DUSP16: variants seen among roughly 807,000 people sequenced by gnomAD.
DUSP16 encodes dual specificity phosphatase 16, also known as dual specificity protein phosphatase 16.
A neutral mutation model predicts 58.3 loss-of-function variants in DUSP16; 21 were observed. The observed-to-expected ratio is 0.36, with a 90% CI of 0.26 to 0.52. The LOEUF (loss-of-function observed/expected upper bound fraction) is 0.52, where lower values mean the gene tolerates loss of function less well. Among genes scored for constraint, DUSP16 ranks in the 20% least tolerant of loss-of-function variants. The pLI, the probability that DUSP16 is intolerant of heterozygous loss-of-function variation, is 0.94. For synonymous variants in DUSP16, 320 were observed against 323.8 expected (o/e 0.99, Z 0.12); for missense variants, 726 against 819.0 (o/e 0.89, Z 1.39).
intron 6 of DUSP16, among the ~76,000 whole-genome samples, chr12:12,479,422 A>C (rs1004669194): frequency 1.3e-5 from 2 of 152,236 alleles, no homozygotes; most frequent in Non-Finnish European, 2.9e-5. Context: ...TCTGATTTCT[A>C]CATGGAGCAG....
At chr12:12,502,644 C>T (rs1484426112) in intron 3 of DUSP16, among the ~76,000 whole-genome samples, 2 of 151,492 alleles carry the variant, frequency 1.3e-5, no homozygotes, top group Non-Finnish European at 2.9e-5. Context: ...CTCCGCCTCC[C>T]GAGTTCAAGA....
At chr12:12,540,853 C>T (rs1380603272) in intron 1 of DUSP16, among the ~76,000 whole-genome samples, 1 of 152,022 alleles carries the variant, frequency 6.6e-6, no homozygotes, top group Non-Finnish European at 1.5e-5. Flanking sequence ...CAGCTGGTCC[C>T]TAAAGGCTGG....
chr12:12,539,402 G>A lies in DUSP16; in HGVS notation c.-365-17939C>T, dbSNP rs536155591. Among the ~76,000 whole-genome samples the A allele has an allele frequency of 3.3e-5, 5 of 152,276 alleles. No individual in the cohort carries two copies. In the East Asian group the frequency reaches 7.7e-4, roughly 24 times the overall value. ...AGCCCAATTAGGGTTTAATAAGACA[G>A]GGTTTATGGGTGAAGCAATCTAGTT... is the stretch of plus-strand genomic sequence containing the variant. On this transcript the variant is annotated intron_variant, in intron 1 of 6. Coordinates refer to ENST00000298573, the MANE Select transcript of DUSP16 (RefSeq NM_030640.3).
intron 4 of DUSP16, among the ~76,000 whole-genome samples, chr12:12,495,033 G>C (rs1212407301): frequency 6.6e-6 from 1 of 152,008 alleles, no homozygotes; most frequent in African/African-American, 2.4e-5. Flanking sequence ...TCTTGGGAAG[G>C]TTACCTAACC....
At chr12:12,515,822 C>G (rs1280930154) in intron 3 of DUSP16, among the ~76,000 whole-genome samples, 1 of 152,022 alleles carries the variant, frequency 6.6e-6, no homozygotes, top group Non-Finnish European at 1.5e-5. Flanking sequence ...GTTGCCTACA[C>G]CAGGGTGCAG....
intron 4 of DUSP16, among the ~76,000 whole-genome samples, chr12:12,492,561 C>CTGCAA (rs1305794245): frequency 6.6e-6 from 1 of 152,086 alleles, no homozygotes; most frequent in African/African-American, 2.4e-5. Context: ...TTCTTCCTAC[C>CTGCAA]TGCAATCAAA....
In DUSP16 at chr12:12,478,716, G is replaced by A. The variant is rs185279362; in HGVS notation, c.816-701C>T. Among the ~76,000 whole-genome samples, 195 of 152,256 alleles carry A rather than the reference G, an allele frequency of 1.3e-3. 1 individual carries two copies. Among genetic ancestry groups the A allele is most frequent in the Non-Finnish European group, 1.9e-3 (127 of 68,028 alleles). On this transcript the variant is annotated intron_variant, in intron 6 of 6. Coordinates refer to ENST00000298573, the MANE Select transcript of DUSP16 (RefSeq NM_030640.3). ...CTACCATCAAAAGTACAGTATAACA[G>A]CCACTCTCCTTCTTCAATTTCCAAT...
intron 1 of DUSP16, among the ~76,000 whole-genome samples, chr12:12,536,296 A>C (rs1418485124): frequency 6.6e-6 from 1 of 152,224 alleles, no homozygotes; most frequent in Non-Finnish European, 1.5e-5. Flanking sequence ...TACATGATTG[A>C]ATTATTGCAC....
intron 5 of DUSP16, among the ~76,000 whole-genome samples, chr12:12,482,426 CGTCTTT>C (rs1157359783): frequency 6.6e-6 from 1 of 152,082 alleles, no homozygotes; most frequent in African/African-American, 2.4e-5. Flanking sequence ...CTTTTGATGA[CGTCTTT>C]TAAAAATGAA....
chr12:12,554,596 TTC>T (rs1475529413), intron 1 of DUSP16: 1 of 152,212 alleles, frequency 6.6e-6, no homozygotes, highest in Non-Finnish European at 1.5e-5. Flanking sequence ...CATTTCCCAC[TTC>T]TGTGTGTTTG....
intron 1 of DUSP16, among the ~76,000 whole-genome samples, chr12:12,553,621 C>A (rs1208616310): frequency 6.6e-6 from 1 of 152,132 alleles, no homozygotes; most frequent in Non-Finnish European, 1.5e-5. Flanking sequence ...TGGCTTACTG[C>A]AGCCTTGACC....
At chr12:12,543,570 C>G (rs573892820) in intron 1 of DUSP16, among the ~76,000 whole-genome samples, 1 of 152,006 alleles carries the variant, frequency 6.6e-6, no homozygotes, top group Admixed American at 6.5e-5. Flanking sequence ...ATACTTTTCC[C>G]TGTAACATGT....
At chr12:12,510,535 T>C (rs912691307) in intron 3 of DUSP16, among the ~76,000 whole-genome samples, 1 of 152,164 alleles carries the variant, frequency 6.6e-6, no homozygotes, top group Non-Finnish European at 1.5e-5. Flanking sequence ...AGAGACGTCA[T>C]AGAGCAGTGA....
chr12:12,518,671 A>G (rs1246369721), intron 3 of DUSP16, among the ~76,000 whole-genome samples: 1 of 152,172 alleles, frequency 6.6e-6, no homozygotes, highest in Non-Finnish European at 1.5e-5. Flanking sequence ...ACACACTCAT[A>G]CTCCCAGTAA....
chr12:12,491,240 A>G (rs1943756824), intron 4 of DUSP16: 2 of 151,610 alleles, frequency 1.3e-5, no homozygotes, highest in African/African-American at 4.8e-5. Flanking sequence ...TTTAAGACAC[A>G]GGGTCCCACC....
At chr12:12,478,770 T>C (rs561419097) in intron 6 of DUSP16, among the ~76,000 whole-genome samples, 15 of 152,334 alleles carry the variant, frequency 9.8e-5, no homozygotes, top group Admixed American at 4.6e-4. Flanking sequence ...CACCAGTCAC[T>C]TCTCAAGACA....
chr12:12,479,401 G>A (rs1300669007), intron 6 of DUSP16, among the ~76,000 whole-genome samples: 1 of 152,148 alleles, frequency 6.6e-6, no homozygotes, highest in Non-Finnish European at 1.5e-5. Flanking sequence ...TGATAGAAGG[G>A]TGCCTTTTCT....
chr12:12,521,526 G>C (rs1269654328), intron 1 of DUSP16, 63 bp from the exon 2 acceptor site: 2 of 706,912 alleles, frequency 2.8e-6, no homozygotes, highest in Admixed American at 5.2e-5. Flanking sequence ...AAGAGTGTCA[G>C]ATTAGAGAGA....
At chr12:12,525,457 G>A (rs536581877) in intron 1 of DUSP16, among the ~76,000 whole-genome samples, 1 of 144,448 alleles carries the variant, frequency 6.9e-6, no homozygotes, top group South Asian at 2.3e-4. Flanking sequence ...TAGTAGAGAT[G>A]GGGTTTCTCC....
Sources: allele counts gnomAD v4.1 joint callset (sites outside exome capture counted in the v4.1 genomes callset), GRCh38; gene constraint gnomAD v4.1.1; transcripts MANE v1.5; gene names NCBI Gene and HGNC (gene_info 2026-07-23, HGNC 2026-07-21).